Variants in SHANK2 observed in about 807,000 individuals in gnomAD.
SHANK2 encodes the protein SH3 and multiple ankyrin repeat domains 2.
Under a neutral mutation model 133.7 loss-of-function variants are expected in SHANK2, and 43 were observed. That is an observed-to-expected ratio of 0.32 (90% CI 0.25 to 0.41). The LOEUF (loss-of-function observed/expected upper bound fraction) is 0.41, where lower values mean the gene tolerates loss of function less well. SHANK2 is among the 10% of genes least tolerant of loss of function. The pLI, the probability that SHANK2 is intolerant of heterozygous loss-of-function variation, is 1.00. For missense variants in SHANK2, 1,994 were observed against 2,235.8 expected, an observed-to-expected ratio of 0.89 and a Z score of 2.18; for synonymous variants, 1,017 against 952.8, an observed-to-expected ratio of 1.07 and a Z score of -1.24.
intron 3 of SHANK2, among the ~76,000 whole-genome samples, chr11:71,125,794 C>G (rs1172417673): frequency 6.6e-6 from 1 of 152,178 alleles, no homozygotes; most frequent in Non-Finnish European, 1.5e-5. Flanking sequence ...TAGCTAGAGA[C>G]AAGAAGTCAA....
chr11:70,531,650 G>A (rs576248037), intron 17 of SHANK2, among the ~76,000 whole-genome samples: 226 of 152,286 alleles, frequency 1.5e-3, no homozygotes, highest in African/African-American at 5.2e-3. Context: ...ATTTTGCTGC[G>A]CCTCTGCGTC....
rs1257417196 is a variant in SHANK2 at position 70,807,506 on chromosome 11, C to G, written c.1494-335G>C. On this transcript the variant is annotated intron_variant, in intron 12 of 25. Coordinates refer to ENST00000601538, the MANE Select transcript of SHANK2 (RefSeq NM_012309.5). The surrounding 1 kb of genome is among the most constrained non-coding windows in gnomAD (Gnocchi z 4.8). Reference sequence around the variant, plus strand: ...AGAGACACAGGGTGGTCCAAACATACAATGGAACGCTGTTTAGCCTCCATC... The same window carrying G: ...AGAGACACAGGGTGGTCCAAACATAGAATGGAACGCTGTTTAGCCTCCATC... Among the ~76,000 whole-genome samples, 1 of 152,168 alleles carries G rather than the reference C, an allele frequency of 6.6e-6. No homozygotes were observed. Among genetic ancestry groups the G allele is most frequent in the Non-Finnish European group, 1.5e-5 (1 of 68,028 alleles).
chr11:70,639,432 G>A (rs1451025379), intron 17 of SHANK2, among the ~76,000 whole-genome samples: 2 of 152,092 alleles, frequency 1.3e-5, no homozygotes, highest in African/African-American at 4.8e-5. Context: ...GGGGCTCTCT[G>A]GGGTTCCTTT....
At chr11:70,768,915 AG>A (rs1219654697) in intron 14 of SHANK2, among the ~76,000 whole-genome samples, 5 of 152,028 alleles carry the variant, frequency 3.3e-5, no homozygotes, top group Admixed American at 6.5e-5. Context: ...GACCCACTCC[AG>A]GGGGGTGGGG....
At chr11:70,553,682 C>T (rs1591572406) in intron 17 of SHANK2, among the ~76,000 whole-genome samples, 1 of 152,202 alleles carries the variant, frequency 6.6e-6, no homozygotes, top group African/African-American at 2.4e-5. Context: ...ATCAGCAAGA[C>T]GCTTCTCCTC....
chr11:70,597,702 A>G (rs4980624), intron 17 of SHANK2, among the ~76,000 whole-genome samples: 29,746 of 152,136 alleles, frequency 0.2, 3,189 homozygotes, highest in East Asian at 0.39. Context: ...GCGAAACCTC[A>G]TCCCTACTAA....
chr11:70,658,286 CACACACACACACACACACACAG>C (rs1555012269), intron 17 of SHANK2, among the ~76,000 whole-genome samples: 7 of 113,922 alleles, frequency 6.1e-5, no homozygotes, highest in Admixed American at 2.4e-4. Flanking sequence ...CACACAGACA[CACACACACACACACACACACAG>C]ACACACACAC....
rs188683314 is a variant in SHANK2 at position 70,945,220 on chromosome 11, A to G, written c.1108-48653T>C. Among the ~76,000 whole-genome samples, 34 of 152,260 alleles carry G rather than the reference A, an allele frequency of 2.2e-4. 1 individual carries two copies. Among genetic ancestry groups the G allele is most frequent in the African/African-American group, 7.9e-4 (33 of 41,542 alleles). On this transcript the variant is annotated intron_variant, in intron 10 of 25. Transcript: ENST00000601538. ...GTGCTTTGCTGGGGAGATGAACCAT[A>G]AGATCCTTGGAGGAAGCATTCTAGT... is the stretch of plus-strand genomic sequence containing the variant.
At chr11:70,560,505 T>G (rs1486719312) in intron 17 of SHANK2, among the ~76,000 whole-genome samples, 1 of 98,608 alleles carries the variant, frequency 1.0e-5, no homozygotes, top group African/African-American at 4.0e-5. Context: ...TTTTTTTTTT[T>G]TTTTGGTAGA....
intron 2 of SHANK2, among the ~76,000 whole-genome samples, chr11:71,218,538 C>T (rs1407379948): frequency 6.6e-6 from 1 of 152,182 alleles, no homozygotes; most frequent in Non-Finnish European, 1.5e-5. Flanking sequence ...GCTGGAATTA[C>T]AGGTGTGAGC....
At chr11:70,562,705 G>A (rs1210450926) in intron 17 of SHANK2, among the ~76,000 whole-genome samples, 3 of 152,156 alleles carry the variant, frequency 2.0e-5, no homozygotes, top group Admixed American at 6.5e-5. Context: ...TCAACTTGAA[G>A]AATCTGCCCT....
At chr11:70,950,445 C>T (rs1350776000) in intron 10 of SHANK2, among the ~76,000 whole-genome samples, 2 of 152,196 alleles carry the variant, frequency 1.3e-5, no homozygotes, top group African/African-American at 4.8e-5. Context: ...CCCGCTTCAG[C>T]CCCCCAAAGT....
chr11:70,939,159 G>T (rs1950610895), intron 10 of SHANK2, among the ~76,000 whole-genome samples: 1 of 152,138 alleles, frequency 6.6e-6, no homozygotes, highest in Non-Finnish European at 1.5e-5. Context: ...TTCCCTCCGG[G>T]GCTTTGGGTT....
At chr11:70,766,021 G>T (rs1380839282) in intron 14 of SHANK2, among the ~76,000 whole-genome samples, 2 of 152,198 alleles carry the variant, frequency 1.3e-5, no homozygotes, top group African/African-American at 4.8e-5. Flanking sequence ...TCCATAGCAG[G>T]TTATCTGGAA....
rs372059566 is a variant in SHANK2, at chr11:70,675,810, C to T, written c.1854-14132G>A. Reference sequence around the variant, plus strand: ...TGGGTAATGCCAGGGAGGAAGGACACGGTGGGGTGAGCAAGGCCAAAGGCA... The same window carrying T: ...TGGGTAATGCCAGGGAGGAAGGACATGGTGGGGTGAGCAAGGCCAAAGGCA... On this transcript the variant is annotated intron_variant, in intron 15 of 25. Coordinates refer to ENST00000601538, the MANE Select transcript of SHANK2 (RefSeq NM_012309.5). Among the ~76,000 whole-genome samples, 32 of 152,292 alleles carry T rather than the reference C, an allele frequency of 2.1e-4. No homozygotes were observed. The South Asian group carries it at 2.9e-3, about 14-fold the overall frequency.
intron 8 of SHANK2, among the ~76,000 whole-genome samples, chr11:71,088,773 C>T (rs1471666526): frequency 6.7e-6 from 1 of 149,112 alleles, no homozygotes; most frequent in African/African-American, 2.5e-5. Flanking sequence ...TCATCCTGAA[C>T]TTGACCTTGT....
chr11:70,875,727 T>C (rs2884924), intron 11 of SHANK2, among the ~76,000 whole-genome samples: 5,693 of 151,930 alleles, frequency 0.037, 172 homozygotes, highest in East Asian at 0.16. Flanking sequence ...TGGTGACGCA[T>C]ACCTGTGGTC....
At chr11:70,921,288 G>A (rs1286430847) in intron 10 of SHANK2, among the ~76,000 whole-genome samples, 1 of 152,210 alleles carries the variant, frequency 6.6e-6, no homozygotes, top group Non-Finnish European at 1.5e-5. Flanking sequence ...AAAGAGGACA[G>A]CTGTTGAGAG....
chr11:70,948,096 C>T (rs7117797), intron 10 of SHANK2, among the ~76,000 whole-genome samples: 32,703 of 151,808 alleles, frequency 0.22, 3,799 homozygotes, highest in Middle Eastern at 0.31. Context: ...TTCCCTCTGA[C>T]ATCCTGAGGG....
Sources: allele counts gnomAD v4.1 joint callset (sites outside exome capture counted in the v4.1 genomes callset), GRCh38; gene constraint gnomAD v4.1.1; non-coding constraint Gnocchi (gnomAD v3.1); transcripts MANE v1.5; gene names NCBI Gene and HGNC (gene_info 2026-07-23, HGNC 2026-07-21).